MGAM2: variants seen among roughly 807,000 people sequenced by gnomAD.
The protein encoded by MGAM2 is probable maltase-glucoamylase 2.
Under a neutral mutation model 96.1 loss-of-function variants are expected in MGAM2, and 98 were observed. The ratio of observed to expected loss-of-function variants is 1.02; its 90% CI spans 0.87 to 1.21. The LOEUF is 1.21. MGAM2 is among the 50% of genes most tolerant of loss of function. The pLI is 0.00. For missense variants in MGAM2, 2,055 were observed against 1,182.4 expected (o/e 1.74, Z -10.82); for synonymous variants, 749 against 414.8 (o/e 1.81, Z -9.79).
chr7:142,192,191 A>T (rs1322032864), intron 37 of MGAM2, among the ~76,000 whole-genome samples: 2 of 152,056 alleles, frequency 1.3e-5, no homozygotes, highest in Non-Finnish European at 2.9e-5. Flanking sequence ...GGTGTTCCAC[A>T]ATCAGGGGCA....
chr7:142,192,222 A>G (rs79327521), intron 37 of MGAM2, among the ~76,000 whole-genome samples: 1,546 of 152,236 alleles, frequency 0.01, 33 homozygotes, highest in African/African-American at 0.035. Context: ...CCAAACAGAA[A>G]TTCTTCTTCC....
intron 37 of MGAM2, among the ~76,000 whole-genome samples, chr7:142,192,575 T>C (rs75967447): frequency 1.3e-5 from 2 of 152,038 alleles, no homozygotes; most frequent in Non-Finnish European, 2.9e-5. Flanking sequence ...AAAAGAAGAG[T>C]AGAAATTTTC....
intron 28 of MGAM2, 48 bp downstream of exon 28, chr7:142,171,488 TC>T (rs1190271902): frequency 1.4e-6 from 1 of 690,734 alleles, no homozygotes; most frequent in African/African-American, 1.8e-5. Context: ...TTTATGTAAA[TC>T]TCTTTTAATC....
In MGAM2 at chr7:142,196,170, A is replaced by G. The variant is rs1214064497; in HGVS notation, c.4363A>G (p.Thr1455Ala). Residue 1455 changes from threonine to alanine, a missense_variant, in exon 38 of 48, where the codon ACA (threonine) becomes GCA (alanine). Thr to Ala is a moderately conservative substitution (Grantham distance 58). Transcript: ENST00000477922. ...TCCCACCAGAGCTGTGCAGGAGGTG[A>G]CAGGACAGCGAGGGGTCATCATCAC... ...RPTYEAVQEV[T>A]GQRGVIITRS... 5.9e-6 allele frequency: 7 copies of G among 1,189,350 alleles called. No homozygotes were observed. Among genetic ancestry groups the G allele is most frequent in the Middle Eastern group, 2.1e-4 (1 of 4,816 alleles). 73.7% of individuals were successfully genotyped at this position (1,189,350 alleles called of 1,614,324 possible).
intron 32 of MGAM2, among the ~76,000 whole-genome samples, chr7:142,178,561 C>G (rs1796445242): frequency 6.6e-6 from 1 of 152,144 alleles, no homozygotes; most frequent in South Asian, 2.1e-4. Context: ...CAGTACCATT[C>G]TCTTGCATAT....
At chr7:142,199,205 A>T (rs538691882) in intron 44 of MGAM2, among the ~76,000 whole-genome samples, 2 of 152,368 alleles carry the variant, frequency 1.3e-5, no homozygotes, top group East Asian at 3.9e-4. Context: ...AATTACACAT[A>T]TAATATGTAA....
In MGAM2 at chr7:142,220,213, C is replaced by T; in HGVS notation, c.5702C>T (p.Thr1901Ile). The T allele has an allele frequency of 1.4e-6, 1 of 702,840 alleles. No individual in the cohort carries two copies. Among genetic ancestry groups the T allele is most frequent in the Non-Finnish European group, 2.6e-6 (1 of 384,922 alleles). The allele number at this position is 702,840 out of a possible 1,614,324, so 43.5% of individuals were successfully genotyped here. A position where few individuals can be genotyped will look rare whatever the true frequency, so the allele number is the denominator to read the frequency against. Residue 1901 changes from threonine (T) to isoleucine (I), a missense_variant, in exon 48 of 48, where the codon ACC becomes ATC. Coordinates refer to ENST00000477922, the MANE Select transcript of MGAM2 (RefSeq NM_001293626.2). The part of the protein sequence containing the change: ...ASTNATVPIT[T>I]TPFPTSTIGV... The stretch of plus-strand genomic sequence containing the variant: ...ACTAATGCTACTGTTCCTATCACAA[C>T]CACACCTTTCCCAACAAGTACTATT...
chr7:142,160,401 T>C (rs1795854188), intron 21 of MGAM2, 143 bp downstream of exon 21: 1 of 548,222 alleles, frequency 1.8e-6, no homozygotes, highest in African/African-American at 1.9e-5. Context: ...CTTTCAAAAT[T>C]GATCCAAAAT....
At chr7:142,192,949 T>A (rs1381394572) in intron 37 of MGAM2, among the ~76,000 whole-genome samples, 1 of 152,200 alleles carries the variant, frequency 6.6e-6, no homozygotes, top group Admixed American at 6.5e-5. Context: ...ATATAATGAA[T>A]CCACAAGTAC....
At chr7:142,153,893 T>C in intron 15 of MGAM2, 125 bp from the exon 16 acceptor site, 1 of 470,666 alleles carries the variant, frequency 2.1e-6, no homozygotes, top group South Asian at 5.5e-5. Flanking sequence ...TTATGACACC[T>C]GGTTTATGAC....
intron 1 of MGAM2, among the ~76,000 whole-genome samples, chr7:142,113,751 T>C (rs1332957322): frequency 6.6e-6 from 1 of 152,144 alleles, no homozygotes; most frequent in East Asian, 1.9e-4. Context: ...ACATGTCATA[T>C]AAAGTCACAT....
chr7:142,210,120 C>T (rs892736538), intron 46 of MGAM2, among the ~76,000 whole-genome samples: 2 of 152,154 alleles, frequency 1.3e-5, no homozygotes, highest in Admixed American at 1.3e-4. Context: ...AGGGTACTCC[C>T]CCCGTAGCCA....
At chr7:142,215,487 G>C (rs971031677) in intron 46 of MGAM2, among the ~76,000 whole-genome samples, 2 of 151,742 alleles carry the variant, frequency 1.3e-5, no homozygotes, top group Non-Finnish European at 2.9e-5. Flanking sequence ...TTGGCTGAGC[G>C]TGGTGGCTCA....
intron 28 of MGAM2, among the ~76,000 whole-genome samples, 165 bp downstream of exon 28, chr7:142,171,605 CATATAT>C (rs34204853): frequency 0.035 from 2,233 of 63,914 alleles, 76 homozygotes; most frequent in Non-Finnish European, 0.051. Context: ...CCCTAAAAGG[CATATAT>C]ATATATATAT....
At chr7:142,114,023 C>A (rs533544891) in intron 1 of MGAM2, among the ~76,000 whole-genome samples, 1 of 151,564 alleles carries the variant, frequency 6.6e-6, no homozygotes, top group African/African-American at 2.4e-5. Flanking sequence ...CCTAGCTACT[C>A]GCGGGGCTGA....
chr7:142,136,627 C>T lies in MGAM2; in HGVS notation c.834C>T (p.Asn278=), dbSNP rs1295861407. ...CCTCTTTTGGAGTATTTCTGATGAA[C>T]AGTAATGCCATGGGTAGGAAGCATC... ...RGSSFGVFLM[N]SNAMEVTLQP... The change falls in exon 8 of 48, where the codon AAC becomes AAT. Residue 278 remains asparagine (N), a synonymous_variant. Coordinates refer to ENST00000477922, the MANE Select transcript of MGAM2 (RefSeq NM_001293626.2). 2 of 699,658 alleles carry T rather than the reference C, an allele frequency of 2.9e-6. No homozygotes were observed. Among genetic ancestry groups the T allele is most frequent in the Non-Finnish European group, 5.2e-6 (2 of 383,520 alleles). The allele number at this position is 699,658 out of a possible 1,614,324, so 43.3% of individuals were successfully genotyped here.
chr7:142,203,892 C>T (rs1235679185), intron 45 of MGAM2, among the ~76,000 whole-genome samples: 2 of 152,106 alleles, frequency 1.3e-5, no homozygotes, highest in African/African-American at 4.8e-5. Context: ...TATAAAAATC[C>T]TAGAAGGAAA....
rs192673883 is a variant in MGAM2, at chr7:142,120,993, T to A, written c.186+612T>A. ...TTCATAAAGGTTGTATGTATTTATATATTTAAATTTTATTTCTTGGCCCCA... is the reference window on the plus strand; with the variant it reads ...TTCATAAAGGTTGTATGTATTTATAAATTTAAATTTTATTTCTTGGCCCCA... On this transcript the variant is annotated intron_variant, in intron 3 of 47. Coordinates refer to ENST00000477922, the MANE Select transcript of MGAM2 (RefSeq NM_001293626.2). Among the ~76,000 whole-genome samples, 650 of 152,312 alleles carry A rather than the reference T, an allele frequency of 4.3e-3. 4 individuals are homozygous for A. The highest frequency in any genetic ancestry group is 0.024 in the Middle Eastern group (7 of 294).
At chr7:142,181,332 G>A (rs1248261239) in intron 32 of MGAM2, among the ~76,000 whole-genome samples, 1 of 152,162 alleles carries the variant, frequency 6.6e-6, no homozygotes, top group East Asian at 1.9e-4. Context: ...ATATTTATCT[G>A]TGGCTGAATT....
Sources: gnomAD v4.1 joint callset for allele counts (sites outside exome capture counted in the v4.1 genomes callset) on GRCh38, gnomAD v4.1.1 for gene constraint, MANE v1.5 for transcripts, NCBI Gene and HGNC (gene_info 2026-07-23, HGNC 2026-07-21) for gene names.